Variants in GRM1 observed in about 807,000 individuals in gnomAD.
GRM1 encodes glutamate metabotropic receptor 1, also known as metabotropic glutamate receptor 1.
In GRM1, 33 loss-of-function variants were observed where a neutral mutation model predicts 90.9. That is an observed-to-expected ratio of 0.36 (90% confidence interval 0.28 to 0.49). The LOEUF is 0.49. GRM1 is among the 20% of genes least tolerant of loss of function. The pLI is 0.99. For synonymous variants in GRM1, 700 were observed against 613.2 expected, an observed-to-expected ratio of 1.14 and a Z score of -2.09; for missense variants, 1,190 against 1,534.3, an observed-to-expected ratio of 0.78 and a Z score of 3.75.
chr6:146,298,320 C>T (rs1053151734), intron 2 of GRM1, among the ~76,000 whole-genome samples: 8 of 152,104 alleles, frequency 5.3e-5, no homozygotes, highest in African/African-American at 1.9e-4. Context: ...TTCCAGTCAC[C>T]TGTCTGAAGC....
intron 3 of GRM1, among the ~76,000 whole-genome samples, chr6:146,346,573 G>C (rs1327474314): frequency 6.6e-6 from 1 of 152,094 alleles, no homozygotes; most frequent in African/African-American, 2.4e-5. Flanking sequence ...AGACAGTTCT[G>C]AATCTTATCT....
At chr6:146,201,006 T>C (rs1779281552) in intron 2 of GRM1, among the ~76,000 whole-genome samples, 1 of 152,146 alleles carries the variant, frequency 6.6e-6, no homozygotes. Flanking sequence ...AGGGCAGACA[T>C]GGTGGTGGTT....
chr6:146,183,053 A>G (rs1473784525), intron 2 of GRM1, among the ~76,000 whole-genome samples: 1 of 152,114 alleles, frequency 6.6e-6, no homozygotes, highest in African/African-American at 2.4e-5. Context: ...GCTCTACCTC[A>G]TGAGGTCTTC....
intron 1 of GRM1, among the ~76,000 whole-genome samples, chr6:146,127,232 C>G (rs1212063236): frequency 6.6e-6 from 1 of 152,060 alleles, no homozygotes; most frequent in Non-Finnish European, 1.5e-5. Flanking sequence ...GTGGGGAGAG[C>G]CAGGGGCTAC....
intron 5 of GRM1, among the ~76,000 whole-genome samples, chr6:146,386,151 A>G (rs1037351894): frequency 3.9e-5 from 6 of 152,116 alleles, no homozygotes; most frequent in African/African-American, 1.4e-4. Context: ...GCTGTCTACA[A>G]GACGTGCACT....
chr6:146,071,443 C>A (rs1041169780), intron 1 of GRM1, among the ~76,000 whole-genome samples: 1 of 152,282 alleles, frequency 6.6e-6, no homozygotes, highest in Middle Eastern at 3.4e-3. Context: ...GCATTATCAA[C>A]TTCATGCTTA....
intron 7 of GRM1, among the ~76,000 whole-genome samples, chr6:146,405,079 A>G (rs1274739374): frequency 6.6e-6 from 1 of 152,228 alleles, no homozygotes; most frequent in African/African-American, 2.4e-5. Context: ...TACTATTAAA[A>G]CAGATAAGGA....
chr6:146,363,516 A>C (rs1775570811), intron 5 of GRM1, among the ~76,000 whole-genome samples: 1 of 152,224 alleles, frequency 6.6e-6, no homozygotes, highest in Non-Finnish European at 1.5e-5. Flanking sequence ...GATAATAAGA[A>C]AAGGAATGTG....
intron 1 of GRM1, among the ~76,000 whole-genome samples, chr6:146,121,170 G>C (rs1028382805): frequency 6.6e-6 from 1 of 152,118 alleles, no homozygotes; most frequent in Non-Finnish European, 1.5e-5. Context: ...TCTTGGGAGG[G>C]TGTATGTGTC....
intron 2 of GRM1, among the ~76,000 whole-genome samples, chr6:146,228,746 T>TTGATATTTGACAGTC (rs1178817315): frequency 6.6e-6 from 1 of 152,184 alleles, no homozygotes; most frequent in Non-Finnish European, 1.5e-5. Flanking sequence ...CTTGAGATGC[T>TTGATATTTGACAGTC]TGATATTTGA....
At chr6:146,034,646 T>C (rs1332483568) in intron 1 of GRM1, among the ~76,000 whole-genome samples, 3 of 151,956 alleles carry the variant, frequency 2.0e-5, no homozygotes, top group African/African-American at 7.2e-5. Flanking sequence ...GATTTAACCA[T>C]ATACGTTAAA....
At chr6:146,299,711 G>C (rs565715914) in intron 2 of GRM1, among the ~76,000 whole-genome samples, 11 of 152,144 alleles carry the variant, frequency 7.2e-5, no homozygotes, top group African/African-American at 2.6e-4. Flanking sequence ...AATACTTGTG[G>C]GAGATGTACT....
intron 2 of GRM1, among the ~76,000 whole-genome samples, chr6:146,284,740 C>T (rs533438140): frequency 6.6e-6 from 1 of 152,300 alleles, no homozygotes; most frequent in African/African-American, 2.4e-5. Context: ...TTCTTCTTCA[C>T]CTTCCACCAT....
At chr6:146,083,903 A>G (rs746266677) in intron 1 of GRM1, among the ~76,000 whole-genome samples, 2 of 152,154 alleles carry the variant, frequency 1.3e-5, no homozygotes, top group East Asian at 1.9e-4. Flanking sequence ...TACTGCCTCA[A>G]TTTCAGAACT....
chr6:146,245,928 C>A (rs1476230664), intron 2 of GRM1, among the ~76,000 whole-genome samples: 1 of 152,202 alleles, frequency 6.6e-6, no homozygotes, highest in Non-Finnish European at 1.5e-5. Context: ...TTGTGTTCTA[C>A]AAGCCCTGTT....
chr6:146,108,152 A>T (rs544212152), intron 1 of GRM1, among the ~76,000 whole-genome samples: 1 of 152,356 alleles, frequency 6.6e-6, no homozygotes, highest in South Asian at 2.1e-4. Context: ...GCAACTGCTA[A>T]GTTGCCTAGC....
chr6:146,142,703 G>A (rs566141054), intron 1 of GRM1, among the ~76,000 whole-genome samples: 26 of 147,640 alleles, frequency 1.8e-4, no homozygotes, highest in Non-Finnish European at 1.8e-4. Context: ...GTACTGCGAC[G>A]CTACTGCCTA....
At chr6:146,028,755 TTTG>T (rs1318229484), upstream of GRM1, among the ~76,000 whole-genome samples, 1 of 152,166 alleles carries the variant, frequency 6.6e-6, no homozygotes, top group Non-Finnish European at 1.5e-5. Flanking sequence ...AGGTGCATCC[TTTG>T]TTTACGTTTA....
chr6:146,237,030 A>G (rs184089540), intron 2 of GRM1, among the ~76,000 whole-genome samples: 265 of 152,056 alleles, frequency 1.7e-3, no homozygotes, highest in African/African-American at 6.0e-3. Flanking sequence ...ACTGGCTTGA[A>G]CCGCACTGGG....
Sources: gnomAD v4.1 joint callset for allele counts (sites outside exome capture counted in the v4.1 genomes callset) on GRCh38, gnomAD v4.1.1 for gene constraint, MANE v1.5 for transcripts, NCBI Gene and HGNC (gene_info 2026-07-23, HGNC 2026-07-21) for gene names.